Variants in RAP1GAP2 observed in about 807,000 individuals in gnomAD.
RAP1GAP2 encodes the protein RAP1 GTPase activating protein 2.
In RAP1GAP2, 27 loss-of-function variants were observed where a neutral mutation model predicts 95.0. The observed-to-expected ratio is 0.28, with a 90% CI of 0.21 to 0.39. RAP1GAP2 has a LOEUF of 0.39. Ranked by LOEUF, RAP1GAP2 falls within the 10% of genes least tolerant of loss-of-function variation. The probability of loss-of-function intolerance (pLI) is 1.00; values close to 1 mark genes in which losing one functional copy is unlikely to be tolerated. For synonymous variants in RAP1GAP2, 373 were observed against 380.9 expected, an observed-to-expected ratio of 0.98 and a Z score of 0.24; for missense variants, 771 against 970.0, an observed-to-expected ratio of 0.79 and a Z score of 2.72.
At chr17:2,960,664 A>G (rs1298358722) in intron 4 of RAP1GAP2, among the ~76,000 whole-genome samples, 2 of 152,154 alleles carry the variant, frequency 1.3e-5, no homozygotes, top group Admixed American at 1.3e-4. Flanking sequence ...CTGGGGCCCC[A>G]GTGTCCTCGC....
At chr17:2,989,648 G>C (rs1163483003) in intron 11 of RAP1GAP2, among the ~76,000 whole-genome samples, 1 of 147,570 alleles carries the variant, frequency 6.8e-6, no homozygotes, top group Non-Finnish European at 1.5e-5. Context: ...CATGTCTTTT[G>C]ACCATTTTCT....
chr17:2,830,982 ACCCTTCCCTC>A (rs2070816386), intron 2 of RAP1GAP2, among the ~76,000 whole-genome samples: 2 of 53,128 alleles, frequency 3.8e-5, no homozygotes, highest in African/African-American at 1.5e-4. Context: ...CCCTTCCCCT[ACCCTTCCCTC>A]CACTTCCCTC....
chr17:2,912,773 C>G (rs1268140493), intron 3 of RAP1GAP2, among the ~76,000 whole-genome samples: 1 of 152,194 alleles, frequency 6.6e-6, no homozygotes, highest in Non-Finnish European at 1.5e-5. Context: ...GCCCATTGTT[C>G]TCTTGACTCC....
chr17:2,784,599 A>G (rs554559439), intron 1 of RAP1GAP2, among the ~76,000 whole-genome samples: 22 of 152,232 alleles, frequency 1.4e-4, no homozygotes, highest in Admixed American at 3.9e-4. Context: ...CAGCAGCTAC[A>G]CTTTTGCTCA....
At chr17:2,792,294 A>G (rs578111889), upstream of RAP1GAP2, among the ~76,000 whole-genome samples, 14 of 152,334 alleles carry the variant, frequency 9.2e-5, no homozygotes, top group Non-Finnish European at 1.0e-4. Flanking sequence ...CAGGGACAGA[A>G]TCGTCCTTGA....
intron 3 of RAP1GAP2, among the ~76,000 whole-genome samples, chr17:2,922,236 C>T (rs140844270): frequency 6.6e-6 from 1 of 152,276 alleles, no homozygotes; most frequent in East Asian, 1.9e-4. Context: ...AAGGGATTCG[C>T]TAGTCCCTCA....
chr17:2,862,996 CAAA>C (rs1164520490), intron 2 of RAP1GAP2, among the ~76,000 whole-genome samples: 8,999 of 47,928 alleles, frequency 0.19, 288 homozygotes, highest in East Asian at 0.34. Flanking sequence ...GACTCTGTCT[CAAA>C]AAAAAAAAAA....
intron 1 of RAP1GAP2, among the ~76,000 whole-genome samples, chr17:2,769,052 T>C (rs1808535497): frequency 1.3e-5 from 2 of 150,520 alleles, no homozygotes; most frequent in Admixed American, 1.3e-4. Context: ...CATAGCAAGA[T>C]CCTGTCTCTA....
At chr17:2,794,567 G>T (rs1268879164), upstream of RAP1GAP2, among the ~76,000 whole-genome samples, 4 of 152,230 alleles carry the variant, frequency 2.6e-5, no homozygotes, top group Non-Finnish European at 4.4e-5. Context: ...GAAGCCTCCG[G>T]GCTCCTGCTG....
At chr17:2,807,224 A>G (rs2069562419) in intron 2 of RAP1GAP2, among the ~76,000 whole-genome samples, 1 of 152,138 alleles carries the variant, frequency 6.6e-6, no homozygotes, top group Non-Finnish European at 1.5e-5. Flanking sequence ...GACTCTTTTC[A>G]TTCACCAGTT....
chr17:2,977,843 A>T (rs2045194005), intron 8 of RAP1GAP2, among the ~76,000 whole-genome samples: 1 of 152,020 alleles, frequency 6.6e-6, no homozygotes, highest in Non-Finnish European at 1.5e-5. Flanking sequence ...CAAGGGAAGC[A>T]CAAGAAAATA....
chr17:2,995,580 C>T, intron 13 of RAP1GAP2, 114 bp downstream of exon 13: 2 of 1,411,588 alleles, frequency 1.4e-6, no homozygotes, highest in East Asian at 2.4e-5. Flanking sequence ...CGTAGCCGGC[C>T]ATTCGTTCAG....
chr17:2,819,241 C>T (rs548887954), intron 2 of RAP1GAP2, among the ~76,000 whole-genome samples: 5 of 151,838 alleles, frequency 3.3e-5, no homozygotes, highest in Admixed American at 1.3e-4. Context: ...AGGATGGTCT[C>T]GATCTCCTGA....
At chr17:2,775,144 C>T (rs1179624879), upstream of RAP1GAP2, among the ~76,000 whole-genome samples, 2 of 150,878 alleles carry the variant, frequency 1.3e-5, no homozygotes, top group African/African-American at 4.9e-5. Context: ...CCACCCTGCC[C>T]AGCCTCCCTG....
chr17:2,803,887 A>G (rs2069404444), intron 2 of RAP1GAP2, among the ~76,000 whole-genome samples: 1 of 152,230 alleles, frequency 6.6e-6, no homozygotes, highest in South Asian at 2.1e-4. Flanking sequence ...TCAAAACAAA[A>G]CAAAAACAGA....
intron 2 of RAP1GAP2, among the ~76,000 whole-genome samples, chr17:2,805,539 A>T (rs902935656): frequency 4.0e-5 from 6 of 151,506 alleles, no homozygotes; most frequent in Non-Finnish European, 8.8e-5. Context: ...TATTATTATT[A>T]TTTTTGTATT....
At chr17:2,802,442 G>A (rs2069340678) in intron 2 of RAP1GAP2, among the ~76,000 whole-genome samples, 1 of 152,138 alleles carries the variant, frequency 6.6e-6, no homozygotes, top group Admixed American at 6.5e-5. Context: ...GGATGTGGTG[G>A]TTCACGCCTG....
intron 3 of RAP1GAP2, among the ~76,000 whole-genome samples, chr17:2,912,450 C>G (rs914539146): frequency 6.6e-6 from 1 of 152,130 alleles, no homozygotes; most frequent in East Asian, 1.9e-4. Context: ...TGTCAGCCCC[C>G]CATACATCCA....
intron 17 of RAP1GAP2, among the ~76,000 whole-genome samples, chr17:3,013,289 A>G (rs1462112911): frequency 6.6e-6 from 1 of 152,184 alleles, no homozygotes; most frequent in African/African-American, 2.4e-5. Context: ...CCCCGCCAAG[A>G]ATCCTTGGTC....
Sources: gnomAD v4.1 joint callset for allele counts (sites outside exome capture counted in the v4.1 genomes callset) on GRCh38, gnomAD v4.1.1 for gene constraint, MANE v1.5 for transcripts, NCBI Gene and HGNC (gene_info 2026-07-23, HGNC 2026-07-21) for gene names.